Variants in ILDR2 observed in about 807,000 individuals in gnomAD.
The protein encoded by ILDR2 is immunoglobulin-like domain-containing receptor 2.
Under a neutral mutation model 66.8 loss-of-function variants are expected in ILDR2, and 25 were observed. That is an observed-to-expected ratio of 0.37 (90% confidence interval 0.27 to 0.52). The LOEUF is 0.52. Ranked by LOEUF, ILDR2 falls within the 20% of genes least tolerant of loss-of-function variation. The probability of loss-of-function intolerance (pLI) is 0.88; values close to 1 mark genes in which losing one functional copy is unlikely to be tolerated. For missense variants in ILDR2, 827 were observed against 876.8 expected (o/e 0.94, Z 0.72); for synonymous variants, 367 against 357.2 (o/e 1.03, Z -0.31).
chr1:166,914,408 G>A lies in ILDR2; in HGVS notation c.*4947C>T, dbSNP rs1659566883. ...ACCAGACAAGACAGTCAGAAGGCCT[G>A]GCTTTATAATTTTAAAAACCATTTG... On this transcript the variant is annotated 3_prime_UTR_variant, in exon 10 of 10. Coordinates refer to ENST00000271417, the MANE Select transcript of ILDR2 (RefSeq NM_199351.3). 1 of 152,148 alleles carries A rather than the reference G, an allele frequency of 6.6e-6. No individual in the cohort carries two copies. The highest frequency in any genetic ancestry group is 1.5e-5 in the Non-Finnish European group (1 of 68,032). The allele number at this position is 152,148 out of a possible 1,614,324, so 9.4% of individuals were successfully genotyped here.
chr1:166,972,183 G>A (rs748486844), intron 1 of ILDR2, among the ~76,000 whole-genome samples: 1 of 151,864 alleles, frequency 6.6e-6, no homozygotes, highest in Non-Finnish European at 1.5e-5. Context: ...ATGCACTCTG[G>A]CCTGGGTGAC....
At chr1:166,975,154 G>A (rs903932645) in intron 1 of ILDR2, 69 bp downstream of exon 1, 30 of 1,318,158 alleles carry the variant, frequency 2.3e-5, no homozygotes, top group Admixed American at 5.1e-5. Context: ...GGGGGCGGGG[G>A]GCGCGGTGAG....
chr1:166,957,933 A>G lies in ILDR2; in HGVS notation c.215T>C (p.Met72Thr), dbSNP rs766431513. 4 of 1,614,170 alleles carry G rather than the reference A, an allele frequency of 2.5e-6. No homozygotes were observed. Among genetic ancestry groups the G allele is most frequent in the East Asian group, 2.2e-5 (1 of 44,862 alleles). ...CQDRMGESLG[M>T]SSTRAQSLSK... is the part of the protein sequence containing the mutation. ...GAGAGATTGGGCCCGGGTAGAGGACATGCCCAAGGATTCTCCCATGCGATC... is the reference window on the plus strand; with the variant it reads ...GAGAGATTGGGCCCGGGTAGAGGACGTGCCCAAGGATTCTCCCATGCGATC... The change falls in exon 2 of 10, where the codon ATG becomes ACG. Residue 72 changes from methionine (M) to threonine (T), a missense_variant. This residue lies in a region of ILDR2 where 437 missense variants were observed against 523.2 expected (regional missense o/e 0.84). Transcript: ENST00000271417.
intron 6 of ILDR2, among the ~76,000 whole-genome samples, chr1:166,931,739 T>C (rs999279870): frequency 1.3e-5 from 2 of 152,004 alleles, no homozygotes; most frequent in East Asian, 1.9e-4. Context: ...TGGTGACCAA[T>C]TGGATGAGGG....
intron 2 of ILDR2, among the ~76,000 whole-genome samples, chr1:166,900,346 T>C (rs916228826): frequency 1.3e-5 from 2 of 152,114 alleles, no homozygotes; most frequent in Non-Finnish European, 2.9e-5. Context: ...TGTCTGTCCC[T>C]TTTCCATTTC....
chr1:166,937,826 C>G (rs1161068046), intron 4 of ILDR2, among the ~76,000 whole-genome samples: 1 of 152,160 alleles, frequency 6.6e-6, no homozygotes, highest in Non-Finnish European at 1.5e-5. Context: ...CCATCTATCC[C>G]AAATCCCTTT....
chr1:166,935,476 C>T lies in ILDR2; in HGVS notation c.705G>A (p.Leu235=). The stretch of plus-strand genomic sequence containing the variant: ...CCTTTGCTGCTTTCCCTGCTTCATA[C>T]ACTGTGGAGGGAGATCAAGAGCAAG... ...CPDSCCCPQA[L]YEAGKAAKAG... is the part of the protein sequence containing the mutation. The change falls in exon 6 of 10, where the codon TTG becomes TTA. Residue 235 remains leucine (L), a splice_region_variant and synonymous_variant. Transcript: ENST00000271417. The T allele has an allele frequency of 6.3e-7, 1 of 1,587,380 alleles. No homozygotes were observed. The highest frequency in any genetic ancestry group is 1.3e-5 in the African/African-American group (1 of 74,278).
chr1:166,904,701 C>T (rs1416827090), downstream of ILDR2, among the ~76,000 whole-genome samples: 5 of 152,170 alleles, frequency 3.3e-5, no homozygotes, highest in Non-Finnish European at 7.3e-5. Flanking sequence ...GCTCAGATAA[C>T]AATGTACATA....
At chr1:166,902,234 T>A (rs1199771211) in intron 2 of ILDR2, among the ~76,000 whole-genome samples, 1 of 152,230 alleles carries the variant, frequency 6.6e-6, no homozygotes, top group African/African-American at 2.4e-5. Context: ...CTGCCAAGGC[T>A]GCACATGTCT....
intron 6 of ILDR2, among the ~76,000 whole-genome samples, chr1:166,933,266 G>T (rs1015411395): frequency 1.3e-5 from 2 of 152,232 alleles, no homozygotes; most frequent in Admixed American, 1.3e-4. Flanking sequence ...AAGTCTGCTG[G>T]AAAAGTTTTT....
At chr1:166,900,418 A>C (rs892015916) in intron 2 of ILDR2, among the ~76,000 whole-genome samples, 2 of 152,204 alleles carry the variant, frequency 1.3e-5, no homozygotes, top group Non-Finnish European at 2.9e-5. Flanking sequence ...CAAATAAAAC[A>C]TTTCATCTCA....
At chr1:166,928,089 G>T (rs1392357176) in intron 6 of ILDR2, among the ~76,000 whole-genome samples, 1 of 152,218 alleles carries the variant, frequency 6.6e-6, no homozygotes, top group African/African-American at 2.4e-5. Context: ...AAACGAAAGA[G>T]AGAAGGGAAT....
chr1:166,930,570 T>C (rs2013526), intron 6 of ILDR2, among the ~76,000 whole-genome samples: 69,389 of 151,976 alleles, frequency 0.46, 16,072 homozygotes, highest in East Asian at 0.68. Flanking sequence ...TAAACTATTC[T>C]CTGATCCTGG....
intron 2 of ILDR2, among the ~76,000 whole-genome samples, chr1:166,896,310 T>C (rs1248642689): frequency 1.3e-5 from 2 of 152,068 alleles, no homozygotes. Context: ...AAGGTGCTGG[T>C]GCTGCTGCTG....
chr1:166,935,229 G>A, intron 6 of ILDR2, 72 bp downstream of exon 6: 1 of 1,477,078 alleles, frequency 6.8e-7, no homozygotes, highest in Non-Finnish European at 9.4e-7. Context: ...TGAACTGACT[G>A]TTCTTAACAA....
intron 3 of ILDR2, among the ~76,000 whole-genome samples, chr1:166,946,047 T>G (rs1661593456): frequency 6.6e-6 from 1 of 152,204 alleles, no homozygotes; most frequent in African/African-American, 2.4e-5. Flanking sequence ...CCCTCCAAAA[T>G]GTTTCACTCC....
chr1:166,957,695 A>C (rs1662363642), intron 2 of ILDR2, 74 bp downstream of exon 2: 1 of 1,301,262 alleles, frequency 7.7e-7, no homozygotes, highest in Non-Finnish European at 1.1e-6. Context: ...ATATCACCAT[A>C]TTGACATAAG....
chr1:166,903,891 T>C (rs1242534501), downstream of ILDR2, among the ~76,000 whole-genome samples: 1 of 152,216 alleles, frequency 6.6e-6, no homozygotes, highest in African/African-American at 2.4e-5. Context: ...AGTTTGAAAA[T>C]GTCCCATCCT....
intron 1 of ILDR2, among the ~76,000 whole-genome samples, chr1:166,971,921 C>T (rs1295593313): frequency 6.6e-6 from 1 of 152,028 alleles, no homozygotes; most frequent in Non-Finnish European, 1.5e-5. Context: ...AAAAGAAATG[C>T]TAATAAAGGG....
Sources: gnomAD v4.1 joint callset for allele counts (sites outside exome capture counted in the v4.1 genomes callset) on GRCh38, gnomAD v4.1.1 for gene constraint, gnomAD v4.1.1 regional missense constraint, MANE v1.5 for transcripts, NCBI Gene and HGNC (gene_info 2026-07-23, HGNC 2026-07-21) for gene names.